Variants in JAM2 observed in about 807,000 individuals in gnomAD.
The protein encoded by JAM2 is junctional adhesion molecule B.
JAM2 carries 17 observed loss-of-function variants against 42.0 expected under a neutral mutation model. The ratio of observed to expected loss-of-function variants is 0.40; its 90% CI spans 0.28 to 0.61. JAM2 has a LOEUF of 0.61. JAM2 is among the 20% of genes least tolerant of loss of function. JAM2 has a pLI of 0.37. For synonymous variants in JAM2, 118 were observed against 128.6 expected, an observed-to-expected ratio of 0.92 and a Z score of 0.56; for missense variants, 319 against 358.3, an observed-to-expected ratio of 0.89 and a Z score of 0.89.
At chr21:25,702,654 T>G (rs540421667) in intron 6 of JAM2, among the ~76,000 whole-genome samples, 5 of 152,362 alleles carry the variant, frequency 3.3e-5, no homozygotes, top group South Asian at 2.1e-4. Flanking sequence ...ATTGATATTA[T>G]TCACCAAATT....
intron 1 of JAM2, among the ~76,000 whole-genome samples, chr21:25,672,453 A>G (rs1471776419): frequency 6.6e-6 from 1 of 152,228 alleles, no homozygotes; most frequent in African/African-American, 2.4e-5. Flanking sequence ...CAAACTCTGG[A>G]GAAATGATTT....
intron 1 of JAM2, among the ~76,000 whole-genome samples, chr21:25,665,478 G>A (rs1169109775): frequency 6.6e-6 from 1 of 152,084 alleles, no homozygotes; most frequent in African/African-American, 2.4e-5. Context: ...CAGACAAGTA[G>A]AACCAACAAG....
At position 25,683,787 on chromosome 21, in the gene JAM2, C is replaced by A. The variant is rs2829863; in HGVS notation, c.68-96C>A. On this transcript the variant is annotated intron_variant, in intron 1 of 9. Coordinates refer to ENST00000480456, the MANE Select transcript of JAM2 (RefSeq NM_021219.4). ...TGAATTGGGTAAACTTGTCACCAAACTTTAGGACAGTTTTCTTGACTATTG... is the reference window on the plus strand; with the variant it reads ...TGAATTGGGTAAACTTGTCACCAAAATTTAGGACAGTTTTCTTGACTATTG... 330,789 of 850,722 alleles carry A rather than the reference C, an allele frequency of 0.39. 65,911 individuals are homozygous for A. Among genetic ancestry groups the A allele is most frequent in the South Asian group, 0.53 (32,439 of 61,186 alleles). 52.7% of individuals were successfully genotyped at this position (850,722 alleles called of 1,614,324 possible).
chr21:25,640,800 CTCTT>C (rs1480970702), intron 1 of JAM2, among the ~76,000 whole-genome samples: 1 of 148,486 alleles, frequency 6.7e-6, no homozygotes. Flanking sequence ...CCCTTCCTTT[CTCTT>C]TCTTCTTTCT....
At chr21:25,671,651 G>A (rs2033363898) in intron 1 of JAM2, among the ~76,000 whole-genome samples, 2 of 151,930 alleles carry the variant, frequency 1.3e-5, no homozygotes, top group South Asian at 2.1e-4. Flanking sequence ...GACTACAGGC[G>A]TGCACCACCA....
chr21:25,639,955 C>A, intron 1 of JAM2, 67 bp downstream of exon 1: 1 of 1,158,878 alleles, frequency 8.6e-7, no homozygotes, highest in East Asian at 2.9e-5. Context: ...CAGCCCCCCA[C>A]GGGGCGCTGG....
chr21:25,640,217 A>G (rs1384125323), intron 1 of JAM2, among the ~76,000 whole-genome samples: 3 of 152,204 alleles, frequency 2.0e-5, no homozygotes, highest in Non-Finnish European at 4.4e-5. Context: ...ATTCGAATGC[A>G]AAACTCACTA....
intron 4 of JAM2, among the ~76,000 whole-genome samples, chr21:25,697,984 T>TTC (rs1295706891): frequency 6.7e-6 from 1 of 149,374 alleles, no homozygotes; most frequent in Non-Finnish European, 1.5e-5. Flanking sequence ...CACACACACA[T>TTC]TCTCTCTCTC....
intron 1 of JAM2, among the ~76,000 whole-genome samples, chr21:25,674,838 C>T (rs148555616): frequency 1.8e-3 from 280 of 151,676 alleles, no homozygotes; most frequent in Non-Finnish European, 3.0e-3. Context: ...CAAATTAGTT[C>T]CTACCTCATT....
rs921293396 is a variant in JAM2, at chr21:25,715,415, G to A, written c.*743G>A. On this transcript the variant is annotated 3_prime_UTR_variant, in exon 10 of 10. Transcript: ENST00000480456. ...TGCTGCTTGCCACTGCTTCCTTCTT[G>A]TAAGATTTCTTTGAAGAGGATCAGT... The A allele has an allele frequency of 1.3e-5, 2 of 152,192 alleles. No individual in the cohort carries two copies. Among genetic ancestry groups the A allele is most frequent in the Non-Finnish European group, 2.9e-5 (2 of 68,052 alleles). 9.4% of individuals were successfully genotyped at this position (152,192 alleles called of 1,614,324 possible). A position where few individuals can be genotyped will look rare whatever the true frequency, so the allele number is the denominator to read the frequency against.
chr21:25,702,267 TA>T lies in JAM2; in HGVS notation c.696del (p.Asp233MetfsTer5). ...AGGTGTCCTGGGAAACGAATGCAAG[TA>T]GGTAAGCATGAAATATTGGGAGGAA... ...YRRCPGKRMQ[V>X]DDLNISGIIA... On this transcript the variant is annotated frameshift_variant and splice_region_variant, in exon 6 of 10. Coordinates refer to ENST00000480456, the MANE Select transcript of JAM2 (RefSeq NM_021219.4). LOFTEE classifies it high-confidence loss of function. 6.3e-7 allele frequency: 1 copy of T among 1,581,918 alleles called. No individual in the cohort carries two copies. The highest frequency in any genetic ancestry group is 8.7e-7 in the Non-Finnish European group (1 of 1,154,860).
chr21:25,659,681 T>C (rs1361824805), intron 1 of JAM2, among the ~76,000 whole-genome samples: 1 of 152,240 alleles, frequency 6.6e-6, no homozygotes, highest in Non-Finnish European at 1.5e-5. Flanking sequence ...TATGTTTGCC[T>C]TTTCAAAGAT....
At chr21:25,707,202 C>T (rs902948854) in intron 7 of JAM2, among the ~76,000 whole-genome samples, 4 of 152,084 alleles carry the variant, frequency 2.6e-5, no homozygotes, top group African/African-American at 9.7e-5. Flanking sequence ...AATTGTTCAG[C>T]TGGGTGTGGT....
intron 7 of JAM2, among the ~76,000 whole-genome samples, chr21:25,706,885 T>G (rs904946485): frequency 4.6e-5 from 7 of 152,038 alleles, no homozygotes; most frequent in African/African-American, 7.2e-5. Flanking sequence ...GACTACAGGC[T>G]CCCGCCACCA....
chr21:25,698,572 C>T, intron 4 of JAM2, 105 bp from the exon 5 acceptor site: 4 of 919,938 alleles, frequency 4.3e-6, no homozygotes, highest in Non-Finnish European at 5.0e-6. Context: ...CTTTACCTGG[C>T]TATTAAAACC....
chr21:25,707,253 G>A lies in JAM2; in HGVS notation c.805+1167G>A, dbSNP rs528257665. On this transcript the variant is annotated intron_variant, in intron 7 of 9. Transcript: ENST00000480456. Reference sequence around the variant, plus strand: ...TCCTACCACTTTGGGAGTCTGAGGCGGGAGGATTACTTGAGGTCAGGAGTT... The same window carrying A: ...TCCTACCACTTTGGGAGTCTGAGGCAGGAGGATTACTTGAGGTCAGGAGTT... 4.6e-5 allele frequency among the ~76,000 whole-genome samples: 7 copies of A among 152,090 alleles called. No homozygotes were observed. The East Asian group carries it at 9.7e-4, about 21-fold the overall frequency.
intron 1 of JAM2, among the ~76,000 whole-genome samples, chr21:25,671,580 A>T (rs1183004933): frequency 1.3e-5 from 2 of 151,886 alleles, no homozygotes; most frequent in Non-Finnish European, 2.9e-5. Flanking sequence ...ATCTCAGCCC[A>T]CTGCAACCTC....
At chr21:25,660,763 T>C (rs1243504661) in intron 1 of JAM2, among the ~76,000 whole-genome samples, 1 of 57,026 alleles carries the variant, frequency 1.8e-5, no homozygotes, top group Admixed American at 1.6e-4. Flanking sequence ...AATAACCATA[T>C]ATATATATAT....
At chr21:25,696,207 G>A (rs1241441779) in intron 4 of JAM2, among the ~76,000 whole-genome samples, 6 of 152,164 alleles carry the variant, frequency 3.9e-5, no homozygotes, top group African/African-American at 1.4e-4. Flanking sequence ...CCAACATAGC[G>A]AAACCCCGTC....
Sources: allele counts gnomAD v4.1 joint callset (sites outside exome capture counted in the v4.1 genomes callset), GRCh38; gene constraint gnomAD v4.1.1; transcripts MANE v1.5; gene names NCBI Gene and HGNC (gene_info 2026-07-23, HGNC 2026-07-21).